The following MTA3 variants were observed in gnomAD, a reference collection of about 807,000 sequenced individuals.
MTA3 encodes metastasis-associated protein MTA3.
In MTA3, 34 loss-of-function variants were observed where a neutral mutation model predicts 83.5. That is an observed-to-expected ratio of 0.41 (90% confidence interval 0.31 to 0.54). MTA3 has a LOEUF of 0.54. MTA3 is among the 20% of genes least tolerant of loss of function. The pLI is 0.33. For missense variants in MTA3, 761 were observed against 726.4 expected, an observed-to-expected ratio of 1.05 and a Z score of -0.55; for synonymous variants, 303 against 252.7, an observed-to-expected ratio of 1.20 and a Z score of -1.89.
chr2:42,587,299 A>G (rs1462210844), intron 3 of MTA3, among the ~76,000 whole-genome samples: 1 of 152,184 alleles, frequency 6.6e-6, no homozygotes, highest in Admixed American at 6.6e-5. Context: ...GTGACAGAAC[A>G]AGACCCTGCC....
At chr2:42,699,244 G>A (rs985251855) in intron 11 of MTA3, among the ~76,000 whole-genome samples, 3 of 152,032 alleles carry the variant, frequency 2.0e-5, no homozygotes, top group East Asian at 1.9e-4. Flanking sequence ...CTCTGTCACC[G>A]TGGTTTAAGT....
At position 42,756,495 on chromosome 2, in the gene MTA3, T is replaced by C. The variant is rs1444919979; in HGVS notation, c.*3096T>C. 1.0e-6 allele frequency: 1 copy of C among 985,442 alleles called. No individual in the cohort carries two copies. The highest frequency in any genetic ancestry group is 6.2e-5 in the Admixed American group (1 of 16,254). The allele number at this position is 985,442 out of a possible 1,614,324, so 61.0% of individuals were successfully genotyped here. A position where few individuals can be genotyped will look rare whatever the true frequency, so the allele number is the denominator to read the frequency against. On this transcript the variant is annotated 3_prime_UTR_variant, in exon 17 of 17. Coordinates refer to ENST00000405094, the MANE Select transcript of MTA3 (RefSeq NM_001330442.2). ...GGGGCTGTGCGTGGCCTCAGTGCAC[T>C]CGGTGTCATGTCTGAGCCTGGTGTT...
intron 2 of MTA3, among the ~76,000 whole-genome samples, chr2:42,501,546 A>G (rs1572886335): frequency 2.0e-5 from 3 of 152,220 alleles, no homozygotes; most frequent in African/African-American, 7.2e-5. Flanking sequence ...TTTAGGTAAC[A>G]TTAAAGTTAC....
intron 6 of MTA3, among the ~76,000 whole-genome samples, chr2:42,647,705 T>A (rs1688345433): frequency 6.6e-6 from 1 of 152,236 alleles, no homozygotes; most frequent in South Asian, 2.1e-4. Context: ...ATCGATTTTA[T>A]TGAAAAATAC....
intron 12 of MTA3, among the ~76,000 whole-genome samples, chr2:42,706,851 A>G (rs180904941): frequency 6.6e-6 from 1 of 152,336 alleles, no homozygotes; most frequent in Non-Finnish European, 1.5e-5. Context: ...TAGAGTCTTG[A>G]AAGGGATTCT....
chr2:42,639,322 C>T (rs1687489365), intron 4 of MTA3, among the ~76,000 whole-genome samples: 1 of 152,038 alleles, frequency 6.6e-6, no homozygotes, highest in Non-Finnish European at 1.5e-5. Context: ...ATCAAATGAT[C>T]TTACGACATT....
chr2:42,633,435 G>A (rs949048365), intron 4 of MTA3, among the ~76,000 whole-genome samples: 3 of 151,932 alleles, frequency 2.0e-5, no homozygotes, highest in East Asian at 1.9e-4. Context: ...AAAAGTTAGC[G>A]GGGCCTGGTG....
intron 3 of MTA3, among the ~76,000 whole-genome samples, chr2:42,593,907 G>A (rs1438399974): frequency 6.6e-6 from 1 of 151,200 alleles, no homozygotes; most frequent in African/African-American, 2.4e-5. Flanking sequence ...TACCAGCAAT[G>A]AATGAGTGCC....
At chr2:42,599,954 T>C (rs1188738497) in intron 3 of MTA3, among the ~76,000 whole-genome samples, 3 of 152,074 alleles carry the variant, frequency 2.0e-5, no homozygotes, top group Admixed American at 6.5e-5. Context: ...CCCAGCACTT[T>C]GGGAGGCCGA....
At chr2:42,725,446 A>G (rs568925928) in intron 16 of MTA3, among the ~76,000 whole-genome samples, 126 of 152,358 alleles carry the variant, frequency 8.3e-4, no homozygotes, top group African/African-American at 2.7e-3. Flanking sequence ...TAGAAACTAT[A>G]TAAGTTATTT....
intron 3 of MTA3, among the ~76,000 whole-genome samples, chr2:42,606,869 GGGGCTGGAGACC>G (rs1354662857): frequency 1.3e-5 from 2 of 148,410 alleles, no homozygotes; most frequent in African/African-American, 2.5e-5. Context: ...CTCGCGGTTA[GGGGCTGGAGACC>G]GGCCTGGCCA....
chr2:42,622,054 G>T (rs1292443880), intron 4 of MTA3, among the ~76,000 whole-genome samples: 2 of 151,948 alleles, frequency 1.3e-5, no homozygotes, highest in Non-Finnish European at 2.9e-5. Context: ...CAAGGCAGGC[G>T]GCTGGGAGGT....
chr2:42,689,237 T>C (rs1164949325), intron 9 of MTA3, among the ~76,000 whole-genome samples: 1 of 152,232 alleles, frequency 6.6e-6, no homozygotes, highest in African/African-American at 2.4e-5. Flanking sequence ...TTTCCCAGTA[T>C]TTTGTTAAGG....
chr2:42,586,241 T>C (rs1377899332), intron 3 of MTA3, among the ~76,000 whole-genome samples: 5 of 142,388 alleles, frequency 3.5e-5, no homozygotes, highest in Admixed American at 2.2e-4. Flanking sequence ...ACCATTGCAC[T>C]CCAGCCCGGA....
chr2:42,510,645 G>C (rs940799606), intron 2 of MTA3, among the ~76,000 whole-genome samples: 2 of 152,172 alleles, frequency 1.3e-5, no homozygotes, highest in East Asian at 3.9e-4. Flanking sequence ...AGAAACTATA[G>C]AAAATATGGG....
chr2:42,585,480 T>C (rs1012592838), intron 3 of MTA3, among the ~76,000 whole-genome samples: 12 of 147,718 alleles, frequency 8.1e-5, no homozygotes, highest in African/African-American at 2.7e-4. Flanking sequence ...TCTTTTCTTT[T>C]TTTTTTTTTT....
chr2:42,741,493 T>C (rs1406366355), intron 16 of MTA3, among the ~76,000 whole-genome samples: 2 of 152,182 alleles, frequency 1.3e-5, no homozygotes, highest in Non-Finnish European at 2.9e-5. Flanking sequence ...TTTCTGGCTT[T>C]TGATTTAAAG....
intron 2 of MTA3, among the ~76,000 whole-genome samples, chr2:42,543,906 G>C (rs2103753889): frequency 6.6e-6 from 1 of 151,960 alleles, no homozygotes; most frequent in South Asian, 2.1e-4. Flanking sequence ...GCCTAGGCTT[G>C]TCTCAAACTC....
intron 9 of MTA3, among the ~76,000 whole-genome samples, chr2:42,690,383 G>C (rs12469245): frequency 0.27 from 41,512 of 151,910 alleles, 5,789 homozygotes; most frequent in Middle Eastern, 0.37. Context: ...CCTAGTTTCT[G>C]ATGAGAAGTT....
Sources: allele counts gnomAD v4.1 joint callset (sites outside exome capture counted in the v4.1 genomes callset), GRCh38; gene constraint gnomAD v4.1.1; transcripts MANE v1.5; gene names NCBI Gene and HGNC (gene_info 2026-07-23, HGNC 2026-07-21).